Variants in PCDH11X observed in about 807,000 individuals in gnomAD.
PCDH11X encodes the protein protocadherin 11 X-linked.
In PCDH11X, 18 loss-of-function variants were observed where a neutral mutation model predicts 53.3. That is an observed-to-expected ratio of 0.34 (90% CI 0.23 to 0.50). The LOEUF (loss-of-function observed/expected upper bound fraction) is 0.50, where lower values mean the gene tolerates loss of function less well. PCDH11X is among the 20% of genes least tolerant of loss of function. The pLI is 0.98. For synonymous variants in PCDH11X, 279 were observed against 393.3 expected, an observed-to-expected ratio of 0.71 and a Z score of 3.44; for missense variants, 570 against 1,032.4, an observed-to-expected ratio of 0.55 and a Z score of 6.14.
intron 8 of PCDH11X, among the ~76,000 whole-genome samples, chrX:92,324,427 T>C (rs938137290): frequency 7.2e-5 from 8 of 111,854 alleles, no homozygotes; most frequent in African/African-American, 3.2e-5. Context: ...ATAGATCAGA[T>C]ACATTTACCT....
intron 9 of PCDH11X, among the ~76,000 whole-genome samples, chrX:92,390,268 ACAGT>A (rs2071099038): frequency 9.1e-6 from 1 of 110,008 alleles, no homozygotes; most frequent in Non-Finnish European, 1.9e-5. Flanking sequence ...TTGTTTTGGG[ACAGT>A]CAGAGACCTT....
At chrX:92,099,603 A>G (rs1037466231) in intron 6 of PCDH11X, among the ~76,000 whole-genome samples, 1 of 111,996 alleles carries the variant, frequency 8.9e-6, no homozygotes, top group Non-Finnish European at 1.9e-5. Context: ...ATAAAAATGG[A>G]GAAAGAATAA....
chrX:92,147,810 C>T (rs200028681), intron 6 of PCDH11X, among the ~76,000 whole-genome samples: 2,013 of 70,155 alleles, frequency 0.029, 82 homozygotes, highest in African/African-American at 0.069. Context: ...TTTCTTCCTT[C>T]CTTTCTTTCT....
intron 10 of PCDH11X, among the ~76,000 whole-genome samples, chrX:92,561,324 C>T (rs1295470389): frequency 4.7e-5 from 5 of 105,806 alleles, no homozygotes; most frequent in Non-Finnish European, 9.7e-5. Context: ...GGGGACCAAT[C>T]CTAGAAAAAT....
chrX:92,147,038 A>G (rs2065278258), intron 6 of PCDH11X, among the ~76,000 whole-genome samples: 1 of 110,322 alleles, frequency 9.1e-6, no homozygotes, highest in Admixed American at 9.7e-5. Flanking sequence ...AAGCTAATAG[A>G]TGTAACAGAA....
chrX:91,931,223 A>G (rs1412376548), intron 6 of PCDH11X, among the ~76,000 whole-genome samples: 2 of 110,031 alleles, frequency 1.8e-5, no homozygotes, highest in African/African-American at 6.6e-5. Flanking sequence ...GTTGACTTGA[A>G]AGAAAACCTT....
chrX:92,087,030 C>T (rs941874926), intron 6 of PCDH11X, among the ~76,000 whole-genome samples: 5 of 109,707 alleles, frequency 4.6e-5, no homozygotes, highest in African/African-American at 1.7e-4. Flanking sequence ...TGTTCATGCA[C>T]AGATGAGGAG....
At chrX:92,601,733 A>G in intron 10 of PCDH11X, among the ~76,000 whole-genome samples, 1 of 110,453 alleles carries the variant, frequency 9.1e-6, no homozygotes, top group Non-Finnish European at 1.9e-5. Context: ...CTGCAAGAAT[A>G]GTGAGAGCCT....
At chrX:92,104,160 G>A (rs143888076) in intron 6 of PCDH11X, among the ~76,000 whole-genome samples, 1,452 of 111,064 alleles carry the variant, frequency 0.013, 19 homozygotes, top group African/African-American at 0.044. Flanking sequence ...TGGGCAGGTG[G>A]GGGAGTGCTA....
chrX:91,980,967 A>C (rs1248340040), intron 6 of PCDH11X, among the ~76,000 whole-genome samples: 1 of 89,964 alleles, frequency 1.1e-5, no homozygotes, highest in Non-Finnish European at 2.1e-5. Context: ...ATATATATAT[A>C]TATATACACT....
chrX:92,504,903 T>C (rs2074022232), intron 10 of PCDH11X, among the ~76,000 whole-genome samples: 1 of 91,938 alleles, frequency 1.1e-5, no homozygotes, highest in Admixed American at 1.2e-4. Flanking sequence ...ATTTTTCATA[T>C]GCTTGTTGGC....
intron 6 of PCDH11X, among the ~76,000 whole-genome samples, chrX:92,004,281 A>C (rs1224035121): frequency 2.7e-5 from 3 of 111,941 alleles, no homozygotes; most frequent in African/African-American, 9.7e-5. Flanking sequence ...ATGTCTTAAG[A>C]CATATTTTGT....
At chrX:92,085,613 G>C (rs1352068253) in intron 6 of PCDH11X, among the ~76,000 whole-genome samples, 1 of 97,692 alleles carries the variant, frequency 1.0e-5, no homozygotes, top group African/African-American at 4.2e-5. Context: ...TATTATAGAA[G>C]CAAAAAAAAA....
intron 6 of PCDH11X, among the ~76,000 whole-genome samples, chrX:92,084,084 C>G (rs1465277370): frequency 3.2e-5 from 3 of 94,667 alleles, no homozygotes; most frequent in African/African-American, 1.4e-4. Flanking sequence ...GAGCAAGACT[C>G]TGTCAAAAAC....
At chrX:92,324,332 A>C (rs758383150) in intron 8 of PCDH11X, among the ~76,000 whole-genome samples, 1 of 111,714 alleles carries the variant, frequency 9.0e-6, no homozygotes, top group African/African-American at 3.2e-5. Context: ...GAAGGCAATA[A>C]GTTAATTTGA....
chrX:92,077,938 C>A (rs2063800410), intron 6 of PCDH11X, among the ~76,000 whole-genome samples: 1 of 108,633 alleles, frequency 9.2e-6, no homozygotes, highest in Non-Finnish European at 1.9e-5. Flanking sequence ...TATTTATAAT[C>A]AGATTTAGAC....
intron 7 of PCDH11X, among the ~76,000 whole-genome samples, chrX:92,247,014 T>C (rs2067364727): frequency 8.9e-6 from 1 of 111,772 alleles, no homozygotes; most frequent in Non-Finnish European, 1.9e-5. Context: ...AGCTCTTTGA[T>C]CCCTTAGAGT....
At chrX:92,251,132 A>G (rs1048085824) in intron 7 of PCDH11X, among the ~76,000 whole-genome samples, 4 of 110,986 alleles carry the variant, frequency 3.6e-5, no homozygotes, top group African/African-American at 1.3e-4. Flanking sequence ...AATATTCTGA[A>G]GCAGGAACCC....
At chrX:92,302,284 C>T (rs1212254743) in intron 8 of PCDH11X, among the ~76,000 whole-genome samples, 4 of 110,996 alleles carry the variant, frequency 3.6e-5, no homozygotes, top group Non-Finnish European at 7.5e-5. Flanking sequence ...TCATGTGTAA[C>T]GGAGTTGTAG....
Sources: allele counts gnomAD v4.1 joint callset (sites outside exome capture counted in the v4.1 genomes callset), GRCh38; gene constraint gnomAD v4.1.1; transcripts MANE v1.5; gene names NCBI Gene and HGNC (gene_info 2026-07-23, HGNC 2026-07-21).